The following PIEZO2 variants were observed in gnomAD, a reference collection of about 807,000 sequenced individuals.
PIEZO2 encodes the protein piezo-type mechanosensitive ion channel component 2.
A neutral mutation model predicts 337.3 loss-of-function variants in PIEZO2; 172 were observed. The ratio of observed to expected loss-of-function variants is 0.51; its 90% CI spans 0.45 to 0.58. The LOEUF (loss-of-function observed/expected upper bound fraction) is 0.58, where lower values mean the gene tolerates loss of function less well. Ranked by LOEUF, PIEZO2 falls within the 20% of genes least tolerant of loss-of-function variation. The pLI is 0.00. For missense variants in PIEZO2, 3,028 were observed against 3,391.3 expected, an observed-to-expected ratio of 0.89 and a Z score of 2.66; for synonymous variants, 1,251 against 1,228.5, an observed-to-expected ratio of 1.02 and a Z score of -0.38.
chr18:10,924,678 G>A (rs76435403), intron 3 of PIEZO2, among the ~76,000 whole-genome samples: 19,994 of 152,178 alleles, frequency 0.13, 1,730 homozygotes, highest in African/African-American at 0.25. Context: ...GAAGAAAATA[G>A]GGTAATTTCA....
rs754338477 is a variant in PIEZO2, at chr18:10,671,770, T to C, written c.8355A>G (p.Gly2785=). 2 of 1,612,396 alleles carry C rather than the reference T, an allele frequency of 1.2e-6. No homozygotes were observed. The highest frequency in any genetic ancestry group is 1.6e-4 in the Middle Eastern group (1 of 6,068). Residue 2785 remains glycine, a synonymous_variant, in exon 56 of 56, where the codon GGA becomes GGG. Transcript: ENST00000674853. ...LGFLAGYGIM[G]LYASVVLVIG... Reference sequence around the variant, plus strand: ...TCACAAGGACAACTGAAGCATATAATCCCATAATACTGAAAAAAACAGTAA... The same window carrying C: ...TCACAAGGACAACTGAAGCATATAACCCCATAATACTGAAAAAAACAGTAA...
At chr18:11,012,180 A>G (rs1049691735) in intron 2 of PIEZO2, among the ~76,000 whole-genome samples, 4 of 152,220 alleles carry the variant, frequency 2.6e-5, no homozygotes, top group African/African-American at 9.6e-5. Context: ...ATTGTTACTT[A>G]TAGCTTTCAA....
rs61444523 is a variant in PIEZO2, at chr18:10,862,865, T to TA, written c.493-5655_493-5654insT. On this transcript the variant is annotated intron_variant, in intron 5 of 55. Transcript: ENST00000674853. The surrounding 1 kb of genome is among the most constrained non-coding windows in gnomAD (Gnocchi z 4.4). ...TGAATAGGCACAATTTGAAAATATA[T>TA]TTTTTTAATCATATCCTAGCAGACT... 0.021 allele frequency among the ~76,000 whole-genome samples: 3,147 copies of TA among 152,256 alleles called. 106 individuals carry two copies. The highest frequency in any genetic ancestry group is 0.071 in the African/African-American group (2,962 of 41,528).
Position 10,969,909 on chromosome 18 carries a change from CCT to C in PIEZO2, c.286+9624_286+9625del, listed in dbSNP as rs770767951. On this transcript the variant is annotated intron_variant, in intron 3 of 55. Transcript: ENST00000674853. This position sits in a 1 kb window ranked among gnomAD's most constrained non-coding sequence, Gnocchi z 4.5. ...TTGTCTTTGCCATACCTTTATTTCT[CCT>C]TTTTTTGGCTGCTATTAATTCATTT... 2.6e-5 allele frequency among the ~76,000 whole-genome samples: 4 copies of C among 151,944 alleles called. No homozygotes were observed. The highest frequency in any genetic ancestry group is 4.4e-5 in the Non-Finnish European group (3 of 68,006).
intron 3 of PIEZO2, among the ~76,000 whole-genome samples, chr18:10,914,853 T>C (rs1279072960): frequency 1.3e-5 from 2 of 152,182 alleles, no homozygotes; most frequent in Non-Finnish European, 2.9e-5. Flanking sequence ...TAAATTGCAT[T>C]CAGCTGCAGA....
At chr18:11,067,074 A>C (rs530404232) in intron 1 of PIEZO2, among the ~76,000 whole-genome samples, 2 of 152,334 alleles carry the variant, frequency 1.3e-5, no homozygotes, top group African/African-American at 4.8e-5. Context: ...AAAATCACCA[A>C]ATCACAAAGG....
intron 3 of PIEZO2, among the ~76,000 whole-genome samples, chr18:10,937,297 C>T (rs1402723669): frequency 6.6e-6 from 1 of 152,124 alleles, no homozygotes; most frequent in East Asian, 1.9e-4. Context: ...TTCATGAAAT[C>T]TTCTTGGTTT....
intron 13 of PIEZO2, among the ~76,000 whole-genome samples, chr18:10,793,590 G>C (rs921400870): frequency 1.1e-4 from 16 of 152,138 alleles, no homozygotes; most frequent in African/African-American, 3.9e-4. Context: ...AAATAATTTT[G>C]ATTTTTTAAA....
At chr18:10,721,568 A>C (rs1598399622) in intron 36 of PIEZO2, among the ~76,000 whole-genome samples, 2 of 151,262 alleles carry the variant, frequency 1.3e-5, no homozygotes, top group African/African-American at 4.9e-5. Flanking sequence ...GAGAACAGCA[A>C]ACACAATTCT....
intron 1 of PIEZO2, among the ~76,000 whole-genome samples, chr18:11,066,937 C>T (rs764629925): frequency 6.6e-6 from 1 of 152,136 alleles, no homozygotes; most frequent in Non-Finnish European, 1.5e-5. Context: ...AGTTAAGTTG[C>T]TATCAGTTTA....
In PIEZO2 at chr18:10,828,088, A is replaced by G. The variant is rs1188076372; in HGVS notation, c.918-20814T>C. Among the ~76,000 whole-genome samples, 1 of 151,716 alleles carries G rather than the reference A, an allele frequency of 6.6e-6. No homozygotes were observed. Among genetic ancestry groups the G allele is most frequent in the African/African-American group, 2.4e-5 (1 of 41,326 alleles). On this transcript the variant is annotated intron_variant, in intron 7 of 55. Transcript: ENST00000674853. This position sits in a 1 kb window ranked among gnomAD's most constrained non-coding sequence, Gnocchi z 4.1. ...CCAAGGCAAACTTAGCATTCAATAA[A>G]CCTAGACAAGCTCGAAATAGCATGA...
intron 2 of PIEZO2, among the ~76,000 whole-genome samples, chr18:11,058,647 A>G (rs1286029472): frequency 6.6e-6 from 1 of 152,214 alleles, no homozygotes; most frequent in Non-Finnish European, 1.5e-5. Flanking sequence ...TCAGTAGCCA[A>G]TTTGATCAAC....
At position 11,143,585 on chromosome 18, in the gene PIEZO2, G is replaced by A. The variant is rs1186523857; in HGVS notation, c.64+4940C>T. Among the ~76,000 whole-genome samples the A allele has an allele frequency of 6.7e-6, 1 of 149,852 alleles. No individual in the cohort carries two copies. The highest frequency in any genetic ancestry group is 2.0e-4 in the East Asian group (1 of 5,074). On this transcript the variant is annotated intron_variant, in intron 1 of 55. Transcript: ENST00000674853. The surrounding 1 kb of genome is among the most constrained non-coding windows in gnomAD (Gnocchi z 4.9). ...GTAAAACTGGTGAGAAAAATCCTGA[G>A]AACTAAAAATCTCTAACACACACAC...
chr18:10,730,915 A>G (rs769942867), intron 36 of PIEZO2, among the ~76,000 whole-genome samples: 62 of 152,090 alleles, frequency 4.1e-4, no homozygotes, highest in Non-Finnish European at 7.4e-4. Flanking sequence ...TTTAGTAGAC[A>G]CGGGGTTTCA....
chr18:11,005,130 T>C (rs1331182930), intron 2 of PIEZO2, among the ~76,000 whole-genome samples: 1 of 152,182 alleles, frequency 6.6e-6, no homozygotes, highest in Non-Finnish European at 1.5e-5. Context: ...CCAAATTCTG[T>C]CCCAAGGGAC....
chr18:11,064,088 TTTGTGTTGGGCCACACTC>T (rs1045561890), intron 2 of PIEZO2, among the ~76,000 whole-genome samples: 1 of 151,676 alleles, frequency 6.6e-6, no homozygotes, highest in Non-Finnish European at 1.5e-5. Flanking sequence ...ACTTCGGAAA[TTTGTGTTGGGCCACACTC>T]AAAACTGTCC....
chr18:10,994,454 G>T (rs2145572634), intron 2 of PIEZO2, among the ~76,000 whole-genome samples: 1 of 150,102 alleles, frequency 6.7e-6, no homozygotes, highest in South Asian at 2.1e-4. Context: ...CTATTGCTCA[G>T]GCTGGAGTGC....
rs1568133877 is a variant in PIEZO2, at chr18:10,856,049, A to ATTTTG, written c.704-488_704-484dup. On this transcript the variant is annotated intron_variant, in intron 6 of 55. Transcript: ENST00000674853. The surrounding 1 kb of genome is among the most constrained non-coding windows in gnomAD (Gnocchi z 4.7). Reference sequence around the variant, plus strand: ...CACTGTGCCATGCTTATTTTATTTTATTTTGTTTTGTTTTATTTTATTTTA... The same window carrying ATTTTG: ...CACTGTGCCATGCTTATTTTATTTTATTTTGTTTTGTTTTGTTTTATTTTATTTTA... Among the ~76,000 whole-genome samples the ATTTTG allele has an allele frequency of 6.7e-6, 1 of 149,554 alleles. No individual in the cohort carries two copies. The highest frequency in any genetic ancestry group is 2.0e-4 in the East Asian group (1 of 5,104).
At chr18:10,742,719 C>A in intron 31 of PIEZO2, 104 bp from the exon 32 acceptor site, 2 of 1,253,346 alleles carry the variant, frequency 1.6e-6, no homozygotes, top group Non-Finnish European at 2.2e-6. Context: ...AATTCGTGGA[C>A]AAACTACTTT....
Sources: gnomAD v4.1 joint callset for allele counts (sites outside exome capture counted in the v4.1 genomes callset) on GRCh38, gnomAD v4.1.1 for gene constraint, Gnocchi (gnomAD v3.1) non-coding constraint, MANE v1.5 for transcripts, NCBI Gene and HGNC (gene_info 2026-07-23, HGNC 2026-07-21) for gene names.